GPC5: variants seen among roughly 807,000 people sequenced by gnomAD.
The protein encoded by GPC5 is glypican-5.
A neutral mutation model predicts 53.9 loss-of-function variants in GPC5; 47 were observed. The ratio of observed to expected loss-of-function variants is 0.87; its 90% CI spans 0.69 to 1.11. The LOEUF is 1.11. Ranked by LOEUF, GPC5 falls within the 50% of genes most tolerant of loss-of-function variation. The pLI is 0.00. For synonymous variants in GPC5, 286 were observed against 263.3 expected, an observed-to-expected ratio of 1.09 and a Z score of -0.84; for missense variants, 748 against 713.1, an observed-to-expected ratio of 1.05 and a Z score of -0.56.
intron 1 of GPC5, among the ~76,000 whole-genome samples, chr13:91,407,755 A>G (rs1214965386): frequency 6.6e-6 from 1 of 152,204 alleles, no homozygotes; most frequent in African/African-American, 2.4e-5. Context: ...TTCAGTCTCT[A>G]TTGTGGATCA....
intron 7 of GPC5, among the ~76,000 whole-genome samples, chr13:92,752,606 C>G (rs890461147): frequency 6.6e-6 from 1 of 152,080 alleles, no homozygotes; most frequent in Non-Finnish European, 1.5e-5. Context: ...GAGTGCCAGA[C>G]AGTGGGCGCA....
intron 7 of GPC5, among the ~76,000 whole-genome samples, chr13:92,601,276 C>G (rs1418237234): frequency 6.6e-6 from 1 of 152,036 alleles, no homozygotes; most frequent in Non-Finnish European, 1.5e-5. Context: ...ACATATTGGG[C>G]CAGGAGTGGT....
At chr13:92,296,310 G>A (rs1325205194) in intron 7 of GPC5, among the ~76,000 whole-genome samples, 1 of 152,086 alleles carries the variant, frequency 6.6e-6, no homozygotes, top group East Asian at 1.9e-4. Context: ...ACAACGTTGG[G>A]TGGGGCCCTT....
chr13:91,586,563 T>TAGAGAG (rs3055914), intron 2 of GPC5, among the ~76,000 whole-genome samples: 1 of 41,976 alleles, frequency 2.4e-5, no homozygotes, highest in Admixed American at 3.5e-4. Context: ...TATATATATG[T>TAGAGAG]AGAGAGAGAG....
chr13:92,327,366 C>T (rs565011321), intron 7 of GPC5, among the ~76,000 whole-genome samples: 56 of 152,290 alleles, frequency 3.7e-4, no homozygotes, highest in Non-Finnish European at 7.4e-5. Context: ...ATTACACATG[C>T]TTGTGTTACT....
intron 7 of GPC5, among the ~76,000 whole-genome samples, chr13:92,149,564 G>A (rs1484145374): frequency 6.6e-6 from 1 of 151,976 alleles, no homozygotes; most frequent in East Asian, 1.9e-4. Flanking sequence ...ATCCATGTCA[G>A]CGTACTAAGA....
chr13:91,770,554 G>C (rs1474055005), intron 5 of GPC5, among the ~76,000 whole-genome samples: 1 of 152,134 alleles, frequency 6.6e-6, no homozygotes, highest in Non-Finnish European at 1.5e-5. Context: ...GGAGGAATGT[G>C]TTAGATGCTT....
At chr13:92,641,154 G>T (rs111622926) in intron 7 of GPC5, among the ~76,000 whole-genome samples, 2,711 of 152,216 alleles carry the variant, frequency 0.018, 83 homozygotes, top group African/African-American at 0.061. Flanking sequence ...AAGGAGAAAA[G>T]TACTGACTAA....
At chr13:91,870,022 A>G (rs1268899060) in intron 5 of GPC5, among the ~76,000 whole-genome samples, 1 of 152,192 alleles carries the variant, frequency 6.6e-6, no homozygotes, top group Non-Finnish European at 1.5e-5. Flanking sequence ...GAGCAAAACC[A>G]TATCACATAA....
intron 1 of GPC5, among the ~76,000 whole-genome samples, chr13:91,413,000 G>A (rs986251923): frequency 3.9e-5 from 6 of 152,212 alleles, no homozygotes; most frequent in African/African-American, 1.2e-4. Context: ...CCAAAGTAGA[G>A]GCCTAGCTTG....
chr13:92,523,680 A>G (rs1403585202), intron 7 of GPC5, among the ~76,000 whole-genome samples: 2 of 152,118 alleles, frequency 1.3e-5, no homozygotes, highest in Non-Finnish European at 2.9e-5. Flanking sequence ...AGAAGACATC[A>G]AAGAACATGG....
At chr13:92,613,514 TATAATATATAATTTATATATAAA>T (rs1884557839) in intron 7 of GPC5, among the ~76,000 whole-genome samples, 1 of 96,424 alleles carries the variant, frequency 1.0e-5, no homozygotes, top group Non-Finnish European at 2.0e-5. Context: ...ATATATAAAA[TATAATATATAATTTATATATAAA>T]ATATAATATA....
At chr13:92,085,885 C>G (rs1305789141) in intron 6 of GPC5, among the ~76,000 whole-genome samples, 2 of 152,134 alleles carry the variant, frequency 1.3e-5, no homozygotes, top group Middle Eastern at 3.2e-3. Context: ...CCATGAGGAG[C>G]AGCCATAAAT....
At chr13:92,761,466 A>G (rs1875171982) in intron 7 of GPC5, among the ~76,000 whole-genome samples, 2 of 152,172 alleles carry the variant, frequency 1.3e-5, no homozygotes, top group Admixed American at 1.3e-4. Flanking sequence ...TGACTTTAAG[A>G]CAAAGAAATC....
At chr13:91,642,639 A>G (rs2034458159) in intron 2 of GPC5, among the ~76,000 whole-genome samples, 2 of 152,184 alleles carry the variant, frequency 1.3e-5, no homozygotes, top group Admixed American at 1.3e-4. Flanking sequence ...AATGGAAGTG[A>G]AAACCAGATG....
At chr13:92,773,637 G>A (rs1315078773) in intron 7 of GPC5, among the ~76,000 whole-genome samples, 1 of 152,038 alleles carries the variant, frequency 6.6e-6, no homozygotes. Context: ...AGCTTATTAG[G>A]CCTTCTAATT....
intron 4 of GPC5, among the ~76,000 whole-genome samples, chr13:91,736,092 GGGATATAGCAGAGT>G (rs2036807987): frequency 6.6e-6 from 1 of 151,038 alleles, no homozygotes; most frequent in Admixed American, 6.6e-5. Context: ...TTTCAAGGAT[GGGATATAGCAGAGT>G]ATTTATATTA....
At chr13:92,177,353 T>C (rs1194502394) in intron 7 of GPC5, among the ~76,000 whole-genome samples, 1 of 152,246 alleles carries the variant, frequency 6.6e-6, no homozygotes, top group Non-Finnish European at 1.5e-5. Context: ...ATGTGGATTA[T>C]ATTTTCAAAG....
intron 5 of GPC5, among the ~76,000 whole-genome samples, chr13:91,894,773 A>G (rs1471301739): frequency 1.3e-5 from 2 of 152,170 alleles, no homozygotes; most frequent in Non-Finnish European, 2.9e-5. Context: ...ATAAAATGAA[A>G]CCCAAATCAG....
Sources: gnomAD v4.1 joint callset for allele counts (sites outside exome capture counted in the v4.1 genomes callset) on GRCh38, gnomAD v4.1.1 for gene constraint, MANE v1.5 for transcripts, NCBI Gene and HGNC (gene_info 2026-07-23, HGNC 2026-07-21) for gene names.